Variants in OSBPL1A observed in about 807,000 individuals in gnomAD.
The protein encoded by OSBPL1A is oxysterol-binding protein-related protein 1.
In OSBPL1A, 80 loss-of-function variants were observed where a neutral mutation model predicts 137.1. The observed-to-expected ratio is 0.58, with a 90% CI of 0.49 to 0.70. The LOEUF (loss-of-function observed/expected upper bound fraction) is 0.70. Among genes scored for constraint, OSBPL1A ranks in the 30% least tolerant of loss-of-function variants. The pLI is 0.00. For missense variants in OSBPL1A, 970 were observed against 1,129.4 expected (o/e 0.86, Z 2.02); for synonymous variants, 365 against 389.7 (o/e 0.94, Z 0.75).
intron 1 of OSBPL1A, among the ~76,000 whole-genome samples, chr18:24,380,112 G>A (rs1359482108): frequency 2.0e-5 from 3 of 152,108 alleles, no homozygotes; most frequent in African/African-American, 7.2e-5. Flanking sequence ...TAAAAGTTCT[G>A]GAGGAAAATT....
intron 15 of OSBPL1A, among the ~76,000 whole-genome samples, chr18:24,247,978 T>C (rs948994941): frequency 6.6e-6 from 1 of 152,132 alleles, no homozygotes; most frequent in Non-Finnish European, 1.5e-5. Flanking sequence ...TGGGATTATG[T>C]TTGCAGAAGT....
chr18:24,279,250 TAAAAAA>T (rs565359517), intron 15 of OSBPL1A, among the ~76,000 whole-genome samples: 12 of 125,398 alleles, frequency 9.6e-5, no homozygotes, highest in Non-Finnish European at 1.6e-4. Flanking sequence ...CCCATTTCTT[TAAAAAA>T]AAAAAAAAAA....
intron 15 of OSBPL1A, among the ~76,000 whole-genome samples, chr18:24,242,579 C>T (rs1486363167): frequency 2.0e-5 from 3 of 152,176 alleles, no homozygotes; most frequent in Non-Finnish European, 2.9e-5. Context: ...GCCAGCTGCA[C>T]ATCAGGTACA....
intron 1 of OSBPL1A, among the ~76,000 whole-genome samples, chr18:24,387,857 A>G (rs1907048445): frequency 6.6e-6 from 1 of 151,746 alleles, no homozygotes; most frequent in Non-Finnish European, 1.5e-5. Context: ...TTATCCCACC[A>G]TCAGGTGTCC....
At chr18:24,297,262 T>C (rs2090309516) in intron 14 of OSBPL1A, among the ~76,000 whole-genome samples, 1 of 152,162 alleles carries the variant, frequency 6.6e-6, no homozygotes, top group Admixed American at 6.5e-5. Flanking sequence ...TTCCTCTTAA[T>C]TTTTTAGTTT....
At chr18:24,286,845 C>T (rs1300132121) in intron 14 of OSBPL1A, among the ~76,000 whole-genome samples, 2 of 152,108 alleles carry the variant, frequency 1.3e-5, no homozygotes, top group Non-Finnish European at 2.9e-5. Context: ...TGGCAGGCAC[C>T]AGCTAAGTGC....
At chr18:24,353,422 G>A (rs570335281) in intron 4 of OSBPL1A, among the ~76,000 whole-genome samples, 1 of 152,110 alleles carries the variant, frequency 6.6e-6, no homozygotes, top group East Asian at 1.9e-4. Context: ...GAAACAACAG[G>A]TGCTGGAGAG....
chr18:24,388,815 A>C (rs1371698583), intron 1 of OSBPL1A, among the ~76,000 whole-genome samples: 8 of 151,812 alleles, frequency 5.3e-5, no homozygotes, highest in South Asian at 2.1e-4. Context: ...AAAAAAAAAA[A>C]AAAAAACCAA....
intron 15 of OSBPL1A, among the ~76,000 whole-genome samples, chr18:24,245,288 C>T (rs2088850080): frequency 6.6e-6 from 1 of 151,880 alleles, no homozygotes; most frequent in African/African-American, 2.4e-5. Flanking sequence ...AGACGGGTCT[C>T]CCTACGTTGC....
In OSBPL1A at chr18:24,339,934, G is replaced by A. The variant is rs181931610; in HGVS notation, c.394+1613C>T. On this transcript the variant is annotated intron_variant, in intron 5 of 27. Transcript: ENST00000319481. ...AAGATTTTAGCTCTCAAGACTAATC[G>A]GGGTAATAAACAGCAGGATCTTGGT... Among the ~76,000 whole-genome samples, 88 of 152,128 alleles carry A rather than the reference G, an allele frequency of 5.8e-4. 1 individual carries two copies. Among genetic ancestry groups the A allele is most frequent in the Middle Eastern group, 3.4e-3 (1 of 294 alleles).
At chr18:24,217,880 AAAT>A (rs2087758073) in intron 17 of OSBPL1A, among the ~76,000 whole-genome samples, 1 of 152,326 alleles carries the variant, frequency 6.6e-6, no homozygotes, top group Admixed American at 6.5e-5. Flanking sequence ...ACACCTTTGT[AAAT>A]AACCATCAGT....
At chr18:24,293,774 CTCTG>C (rs1455492867) in intron 14 of OSBPL1A, among the ~76,000 whole-genome samples, 1 of 152,156 alleles carries the variant, frequency 6.6e-6, no homozygotes, top group Non-Finnish European at 1.5e-5. Context: ...ATTAGAATGA[CTCTG>C]TCTCTCACTC....
chr18:24,254,045 C>T (rs1567978337), intron 15 of OSBPL1A, among the ~76,000 whole-genome samples: 2 of 152,124 alleles, frequency 1.3e-5, no homozygotes, highest in Admixed American at 1.3e-4. Context: ...CTGACCTATG[C>T]CCAGGAATGA....
At chr18:24,175,137 C>CATATATATATAT (rs57325245) in intron 21 of OSBPL1A, among the ~76,000 whole-genome samples, 5 of 51,760 alleles carry the variant, frequency 9.7e-5, no homozygotes, top group African/African-American at 4.0e-4. Flanking sequence ...TATATATATA[C>CATATATATATAT]ACATATATAT....
Position 24,172,493 on chromosome 18 carries a change from A to C in OSBPL1A, c.2094-10T>G. The C allele has an allele frequency of 6.3e-7, 1 of 1,586,246 alleles. No homozygotes were observed. The highest frequency in any genetic ancestry group is 8.7e-7 in the Non-Finnish European group (1 of 1,155,404). On this transcript the variant is annotated splice_polypyrimidine_tract_variant and intron_variant, in intron 21 of 27. Coordinates refer to ENST00000319481, the MANE Select transcript of OSBPL1A (RefSeq NM_080597.4). ...ATATGCCTCATTGTGTCTAAAAAAC[A>C]AAACCAAACCCAGAAGCATAAGTGA...
chr18:24,239,528 T>C (rs2088613355), intron 15 of OSBPL1A, 146 bp from the exon 16 acceptor site: 2 of 735,416 alleles, frequency 2.7e-6, no homozygotes, highest in Non-Finnish European at 4.3e-6. Context: ...CATGGATGAA[T>C]GAGCAAAATT....
chr18:24,285,527 G>C (rs367769442), intron 14 of OSBPL1A, among the ~76,000 whole-genome samples: 1 of 152,084 alleles, frequency 6.6e-6, no homozygotes, highest in Admixed American at 6.5e-5. Context: ...TATTTTGCCT[G>C]TTTTTCAACA....
At chr18:24,382,944 T>C (rs1039208133) in intron 1 of OSBPL1A, among the ~76,000 whole-genome samples, 2 of 152,088 alleles carry the variant, frequency 1.3e-5, no homozygotes, top group African/African-American at 4.8e-5. Context: ...AATTGCAATA[T>C]ATTGTTAGGA....
intron 16 of OSBPL1A, among the ~76,000 whole-genome samples, chr18:24,237,211 G>GTGCAT (rs2088511350): frequency 6.6e-6 from 1 of 152,066 alleles, no homozygotes; most frequent in South Asian, 2.1e-4. Flanking sequence ...TGATTAACTG[G>GTGCAT]GATAACAGGT....
Sources: gnomAD v4.1 joint callset for allele counts (sites outside exome capture counted in the v4.1 genomes callset) on GRCh38, gnomAD v4.1.1 for gene constraint, MANE v1.5 for transcripts, NCBI Gene and HGNC (gene_info 2026-07-23, HGNC 2026-07-21) for gene names.